The following TAFA2 variants were observed in gnomAD, a reference collection of about 807,000 sequenced individuals.
TAFA2 encodes chemokine-like protein TAFA-2.
In TAFA2, 7 loss-of-function variants were observed where a neutral mutation model predicts 18.8. The observed-to-expected ratio is 0.37, with a 90% confidence interval of 0.21 to 0.70. The LOEUF (loss-of-function observed/expected upper bound fraction) is 0.70. TAFA2 is among the 30% of genes least tolerant of loss of function. The pLI is 0.53. For synonymous variants in TAFA2, 60 were observed against 54.2 expected (o/e 1.11, Z -0.47); for missense variants, 122 against 158.1 (o/e 0.77, Z 1.23).
At chr12:61,728,351 CTGTCTGTCTCA>C (rs1870273848) in intron 4 of TAFA2, among the ~76,000 whole-genome samples, 1 of 151,874 alleles carries the variant, frequency 6.6e-6, no homozygotes, top group Non-Finnish European at 1.5e-5. Context: ...TATTGTGTGG[CTGTCTGTCTCA>C]TTTCTTAGGT....
In TAFA2 at chr12:62,132,572, C is replaced by T. The variant is rs568549878; in HGVS notation, c.-2+58687G>A. On this transcript the variant is annotated intron_variant, in intron 1 of 4. Coordinates refer to ENST00000416284, the MANE Select transcript of TAFA2 (RefSeq NM_178539.5). ...CACATTTTTTAAAATCAATACATTG[C>T]TCAAAATAAAACAACGTAGAAATAA... 7.2e-5 allele frequency among the ~76,000 whole-genome samples: 11 copies of T among 151,874 alleles called. No individual in the cohort carries two copies. In the East Asian group the frequency reaches 1.7e-3, roughly 24 times the overall value.
At chr12:62,064,910 A>G (rs1882446440) in intron 1 of TAFA2, among the ~76,000 whole-genome samples, 1 of 151,994 alleles carries the variant, frequency 6.6e-6, no homozygotes, top group Non-Finnish European at 1.5e-5. Context: ...TTGAATTTGT[A>G]CCATTTTATA....
At chr12:62,249,662 C>T (rs527548498) in intron 1 of TAFA2, among the ~76,000 whole-genome samples, 2 of 152,282 alleles carry the variant, frequency 1.3e-5, no homozygotes, top group Non-Finnish European at 2.9e-5. Context: ...ACCCATTGTT[C>T]CCTCTCAGAC....
chr12:61,780,520 T>G (rs933468403), intron 2 of TAFA2, among the ~76,000 whole-genome samples: 1 of 151,752 alleles, frequency 6.6e-6, no homozygotes, highest in Non-Finnish European at 1.5e-5. Flanking sequence ...AATATAAATC[T>G]TCTCCCAGTC....
chr12:62,033,977 T>G (rs761146671), intron 1 of TAFA2, among the ~76,000 whole-genome samples: 19 of 152,220 alleles, frequency 1.2e-4, no homozygotes, highest in Non-Finnish European at 2.8e-4. Context: ...TGGCTGAATC[T>G]TGGCAATTTC....
intron 1 of TAFA2, among the ~76,000 whole-genome samples, chr12:62,206,551 A>G (rs1407609513): frequency 6.6e-6 from 1 of 151,810 alleles, no homozygotes; most frequent in Non-Finnish European, 1.5e-5. Flanking sequence ...TTTTTGAGAC[A>G]GGTTCTCACT....
chr12:62,224,198 T>C (rs920088144), intron 1 of TAFA2, among the ~76,000 whole-genome samples: 5 of 152,202 alleles, frequency 3.3e-5, no homozygotes, highest in Non-Finnish European at 7.4e-5. Context: ...TAGGACATTA[T>C]GTGAAGTCCA....
rs916148452 is a variant in TAFA2, at chr12:61,951,888, A to C, written c.-1-84462T>G. Among the ~76,000 whole-genome samples the C allele has an allele frequency of 1.3e-4, 10 of 74,322 alleles. No individual in the cohort carries two copies. In the East Asian group the frequency reaches 4.0e-3, roughly 30 times the overall value. The allele number at this position is 74,322 out of a possible 152,430, so 48.8% of individuals were successfully genotyped here. On this transcript the variant is annotated intron_variant, in intron 1 of 4. Coordinates refer to ENST00000416284, the MANE Select transcript of TAFA2 (RefSeq NM_178539.5). The stretch of plus-strand genomic sequence containing the variant: ...TGTCTGTAAGGAGCAATATTCACTT[A>C]ATTAAAAAAAAAAGCTAAATAAATC...
chr12:61,898,384 C>G (rs927458231), intron 1 of TAFA2, among the ~76,000 whole-genome samples: 3 of 152,240 alleles, frequency 2.0e-5, no homozygotes, highest in Admixed American at 1.3e-4. Context: ...CCCTTCTGAA[C>G]TGCCCTAGCA....
intron 2 of TAFA2, among the ~76,000 whole-genome samples, chr12:61,821,809 T>A (rs1351993550): frequency 6.6e-6 from 1 of 152,168 alleles, no homozygotes; most frequent in Non-Finnish European, 1.5e-5. Context: ...GAAATGAGAA[T>A]GCTTCAGACA....
chr12:61,795,930 A>G (rs1239819625), intron 2 of TAFA2, among the ~76,000 whole-genome samples: 1 of 152,096 alleles, frequency 6.6e-6, no homozygotes, highest in Non-Finnish European at 1.5e-5. Flanking sequence ...GACTTTCAAC[A>G]TACCTATTAG....
chr12:62,070,398 C>T (rs1882600867), intron 1 of TAFA2: 1 of 152,106 alleles, frequency 6.6e-6, no homozygotes, highest in Non-Finnish European at 1.5e-5. Flanking sequence ...ACCACAAAAG[C>T]AATTATAGTC....
intron 2 of TAFA2, among the ~76,000 whole-genome samples, chr12:61,782,391 T>C (rs1259908604): frequency 1.3e-5 from 2 of 151,782 alleles, no homozygotes; most frequent in African/African-American, 2.4e-5. Context: ...TTCCTTTCTA[T>C]TGATAATAAT....
In TAFA2 at chr12:61,789,655, C is replaced by T. The variant is rs569478085; in HGVS notation, c.107-34631G>A. Among the ~76,000 whole-genome samples, 13 of 151,888 alleles carry T rather than the reference C, an allele frequency of 8.6e-5. No homozygotes were observed. In the East Asian group the frequency reaches 2.5e-3, roughly 30 times the overall value. ...TGTATACCTATGTAATAAACCTGCA[C>T]ATTCTGTGCATGTATCCCAGAACTT... On this transcript the variant is annotated intron_variant, in intron 2 of 4. Coordinates refer to ENST00000416284, the MANE Select transcript of TAFA2 (RefSeq NM_178539.5).
intron 2 of TAFA2, chr12:61,776,092 A>G (rs1870250287): frequency 4.5e-6 from 2 of 445,246 alleles, no homozygotes; most frequent in Non-Finnish European, 4.4e-6. Flanking sequence ...TAATGCTACC[A>G]TGGCAAAACT....
intron 1 of TAFA2, among the ~76,000 whole-genome samples, chr12:62,257,237 T>C (rs986661190): frequency 6.6e-6 from 1 of 150,802 alleles, no homozygotes; most frequent in African/African-American, 2.4e-5. Flanking sequence ...AGGCAGATTT[T>C]TCCCTTAGGC....
chr12:62,051,924 T>C (rs1882064609), intron 1 of TAFA2, among the ~76,000 whole-genome samples: 1 of 152,152 alleles, frequency 6.6e-6, no homozygotes, highest in African/African-American at 2.4e-5. Flanking sequence ...ATATGGTCTC[T>C]GTTGCAACTA....
chr12:62,046,065 G>C (rs1233362092), intron 1 of TAFA2, among the ~76,000 whole-genome samples: 1 of 152,110 alleles, frequency 6.6e-6, no homozygotes, highest in Non-Finnish European at 1.5e-5. Flanking sequence ...GCCCCAGATA[G>C]ATAGGGATAC....
chr12:61,733,562 T>G (rs1300534789), intron 4 of TAFA2, among the ~76,000 whole-genome samples: 3 of 148,844 alleles, frequency 2.0e-5, no homozygotes, highest in Non-Finnish European at 4.5e-5. Context: ...TTGTCAGGTT[T>G]GTCAAAGATC....
Sources: gnomAD v4.1 joint callset for allele counts (sites outside exome capture counted in the v4.1 genomes callset) on GRCh38, gnomAD v4.1.1 for gene constraint, MANE v1.5 for transcripts, NCBI Gene and HGNC (gene_info 2026-07-23, HGNC 2026-07-21) for gene names.